The following GPR89A variants were observed in gnomAD, a reference collection of about 807,000 sequenced individuals.
GPR89A encodes the protein G protein-coupled receptor 89A.
In GPR89A, 16 loss-of-function variants were observed where a neutral mutation model predicts 52.0. The observed-to-expected ratio is 0.31, with a 90% confidence interval of 0.21 to 0.47. The LOEUF (loss-of-function observed/expected upper bound fraction) is 0.47. Ranked by LOEUF, GPR89A falls within the 20% of genes least tolerant of loss-of-function variation. The pLI, the probability that GPR89A is intolerant of heterozygous loss-of-function variation, is 1.00. For synonymous variants in GPR89A, 55 were observed against 150.9 expected (o/e 0.36, Z 4.66); for missense variants, 135 against 449.4 (o/e 0.30, Z 6.33).
chr1:145,646,156 T>G (rs782232257), intron 8 of GPR89A, 28 bp from the exon 9 acceptor site: 1 of 1,613,766 alleles, frequency 6.2e-7, no homozygotes, highest in East Asian at 2.2e-5. Context: ...CCTATGTGAT[T>G]AAAACCTTGA....
At chr1:145,648,299 A>G (rs1436803554) in intron 10 of GPR89A, among the ~76,000 whole-genome samples, 1 of 151,758 alleles carries the variant, frequency 6.6e-6, no homozygotes, top group Non-Finnish European at 1.5e-5. Context: ...ATTTTGATCA[A>G]TGTAGATGAA....
intron 11 of GPR89A, 64 bp downstream of exon 11, chr1:145,663,488 G>A: frequency 1.2e-6 from 2 of 1,601,806 alleles, no homozygotes; most frequent in Admixed American, 1.7e-5. Flanking sequence ...ACTTACCATT[G>A]TTAAGATTCT....
At chr1:145,637,175 G>A (rs1477985787) in intron 7 of GPR89A, among the ~76,000 whole-genome samples, 2 of 151,512 alleles carry the variant, frequency 1.3e-5, no homozygotes, top group Non-Finnish European at 2.9e-5. Flanking sequence ...GCTATGTGCA[G>A]GTTGAACACA....
At chr1:145,636,062 T>C (rs1553690687) in intron 7 of GPR89A, among the ~76,000 whole-genome samples, 1 of 152,122 alleles carries the variant, frequency 6.6e-6, no homozygotes, top group Non-Finnish European at 1.5e-5. Context: ...CTATACATAC[T>C]ATAGCCCATT....
rs369945090 is a variant in GPR89A at position 145,669,622 on chromosome 1, C to T, written c.1096-3C>T. 7.5e-5 allele frequency: 121 copies of T among 1,610,922 alleles called. No homozygotes were observed. The highest frequency in any genetic ancestry group is 9.7e-5 in the Non-Finnish European group (115 of 1,179,534). ...ATAAATTCATCTCCCTCTTTCTTGA[C>T]AGTTCTTTTATGCCATCTCTAGCAG... is the stretch of plus-strand genomic sequence containing the variant. On this transcript the variant is annotated splice_polypyrimidine_tract_variant and splice_region_variant and intron_variant, in intron 12 of 13. Transcript: ENST00000313835.
intron 10 of GPR89A, among the ~76,000 whole-genome samples, chr1:145,655,809 G>T (rs1194556622): frequency 6.6e-6 from 1 of 152,108 alleles, no homozygotes; most frequent in African/African-American, 2.4e-5. Context: ...ACTGCCCCTT[G>T]GCAGAGCAGC....
At chr1:145,613,504 C>T (rs1648447410) in intron 1 of GPR89A, among the ~76,000 whole-genome samples, 2 of 152,142 alleles carry the variant, frequency 1.3e-5, no homozygotes, top group African/African-American at 2.4e-5. Flanking sequence ...TCAGACCATG[C>T]CATTTCCCTG....
At chr1:145,621,440 T>C (rs1181611511) in intron 3 of GPR89A, among the ~76,000 whole-genome samples, 1 of 152,176 alleles carries the variant, frequency 6.6e-6, no homozygotes, top group Non-Finnish European at 1.5e-5. Context: ...TCTAGAATTC[T>C]GTTTTATAAT....
intron 10 of GPR89A, among the ~76,000 whole-genome samples, chr1:145,661,940 A>G (rs1339686223): frequency 6.6e-6 from 1 of 151,826 alleles, no homozygotes; most frequent in Non-Finnish European, 1.5e-5. Context: ...AGGATCTTCC[A>G]AATATTATTC....
intron 7 of GPR89A, among the ~76,000 whole-genome samples, chr1:145,643,045 A>G (rs1277800335): frequency 1.3e-4 from 1 of 7,536 alleles, no homozygotes; most frequent in Non-Finnish European, 2.4e-4. Context: ...GGTTTATGCA[A>G]TTTTGCTATT....
intron 7 of GPR89A, among the ~76,000 whole-genome samples, chr1:145,636,748 C>G (rs1255740989): frequency 6.6e-6 from 1 of 151,900 alleles, no homozygotes; most frequent in Non-Finnish European, 1.5e-5. Context: ...ATATTAAAAG[C>G]AAGTATTTGA....
chr1:145,617,491 TTAAAG>T (rs1436111843), intron 2 of GPR89A, among the ~76,000 whole-genome samples: 8 of 151,798 alleles, frequency 5.3e-5, no homozygotes, highest in South Asian at 2.1e-4. Flanking sequence ...GATTAAGAGA[TTAAAG>T]TAAGACAGTC....
Position 145,633,998 on chromosome 1 carries a change from T to G in GPR89A, c.617+2254T>G, listed in dbSNP as rs587767221. 2.3e-3 allele frequency among the ~76,000 whole-genome samples: 344 copies of G among 151,712 alleles called. 1 individual carries two copies. The highest frequency in any genetic ancestry group is 0.012 in the South Asian group (56 of 4,786). On this transcript the variant is annotated intron_variant, in intron 7 of 13. Transcript: ENST00000313835. ...AACATTAATAGAAGAAATTGAAGTC[T>G]ACACAAATAAATGGAAAGATATCCC...
chr1:145,666,417 CA>C (rs2101845834), intron 12 of GPR89A, among the ~76,000 whole-genome samples: 1 of 151,932 alleles, frequency 6.6e-6, no homozygotes, highest in Non-Finnish European at 1.5e-5. Flanking sequence ...ACCAAGTCCT[CA>C]AAAAAATGTT....
intron 10 of GPR89A, among the ~76,000 whole-genome samples, chr1:145,657,264 GC>G (rs1412764762): frequency 3.4e-5 from 5 of 148,542 alleles, no homozygotes; most frequent in African/African-American, 1.3e-4. Context: ...GTGGTGGCAT[GC>G]CTGTGTTCCC....
At chr1:145,654,553 C>CAAAAAA (rs1559045894) in intron 10 of GPR89A, among the ~76,000 whole-genome samples, 1 of 126,932 alleles carries the variant, frequency 7.9e-6, no homozygotes, top group Non-Finnish European at 1.6e-5. Flanking sequence ...AATCCATCTA[C>CAAAAAA]AAAAAAAAAA....
chr1:145,635,363 G>A (rs1451937349), intron 7 of GPR89A, among the ~76,000 whole-genome samples: 281 of 150,900 alleles, frequency 1.9e-3, no homozygotes, highest in African/African-American at 6.1e-3. Context: ...CCCAGATCGC[G>A]CCACTGCACT....
intron 10 of GPR89A, among the ~76,000 whole-genome samples, chr1:145,656,471 C>T (rs1417038530): frequency 6.6e-6 from 1 of 152,148 alleles, no homozygotes; most frequent in Non-Finnish European, 1.5e-5. Flanking sequence ...CCTCGCTCTC[C>T]GTGGGTTGTG....
Position 145,663,079 on chromosome 1 carries a change from A to C in GPR89A, c.910-250A>C, listed in dbSNP as rs181115552. On this transcript the variant is annotated intron_variant, in intron 10 of 13. Transcript: ENST00000313835. ...CTGGCTCCTGATAAATTAAGGCATA[A>C]TGCCGTAGCTTTATTCCCATTGACT... Among the ~76,000 whole-genome samples, 344 of 152,314 alleles carry C rather than the reference A, an allele frequency of 2.3e-3. 2 individuals are homozygous for C. The highest frequency in any genetic ancestry group is 3.6e-3 in the Admixed American group (55 of 15,290).
Sources: gnomAD v4.1 joint callset for allele counts (sites outside exome capture counted in the v4.1 genomes callset) on GRCh38, gnomAD v4.1.1 for gene constraint, MANE v1.5 for transcripts, NCBI Gene and HGNC (gene_info 2026-07-23, HGNC 2026-07-21) for gene names.